H4C5: variants seen among roughly 807,000 people sequenced by gnomAD.
H4C5 encodes H4 clustered histone 5, also known as histone H4.
Under a neutral mutation model 5.3 loss-of-function variants are expected in H4C5, and 15 were observed. The observed-to-expected ratio is 2.84, with a 90% CI of 1.90 to 4.37. The LOEUF is 4.37. Ranked by LOEUF, H4C5 falls within the 30% of genes most tolerant of loss-of-function variation. H4C5 has a pLI of 0.00. For synonymous variants in H4C5, 154 were observed against 56.9 expected, an observed-to-expected ratio of 2.71 and a Z score of -7.68; for missense variants, 153 against 145.7, an observed-to-expected ratio of 1.05 and a Z score of -0.26.
rs1765188037 is a variant in H4C5, at chr6:26,204,654, C to T, written c.10C>T (p.Arg4Cys). 9 of 1,574,486 alleles carry T rather than the reference C, an allele frequency of 5.7e-6. No homozygotes were observed. Among genetic ancestry groups the T allele is most frequent in the East Asian group, 2.3e-5 (1 of 42,848 alleles). ...CGTTGGTGTGTTGGTCATGTCTGGT[C>T]GCGGCAAAGGCGGAAAGGGACTGGG... MSG[R>C]GKGGKGLGKG... Residue 4 changes from arginine (R) to cysteine (C), a missense_variant, in exon 1 of 1, where the codon CGC becomes TGC. Coordinates refer to ENST00000615164, the MANE Select transcript of H4C5 (RefSeq NM_003545.4).
At position 26,204,759 on chromosome 6, in the gene H4C5, G is replaced by T. The variant is rs752602906; in HGVS notation, c.115G>T (p.Ala39Ser). Residue 39 changes from alanine (A) to serine (S), a missense_variant, in exon 1 of 1, where the codon GCT becomes TCT. Coordinates refer to ENST00000615164, the MANE Select transcript of H4C5 (RefSeq NM_003545.4). ...GITKPAIRRL[A>S]RRGGVKRISG... ...TACCAAGCCTGCCATCCGGCGCCTT[G>T]CTCGTCGCGGGGGTGTCAAGCGCAT... is the stretch of plus-strand genomic sequence containing the variant. 6.2e-7 allele frequency: 1 copy of T among 1,614,180 alleles called. No individual in the cohort carries two copies. The highest frequency in any genetic ancestry group is 1.7e-5 in the Admixed American group (1 of 60,026).
Position 26,204,744 on chromosome 6 carries a change from GC to G in H4C5, c.102del (p.Ile35SerfsTer25). The G allele has an allele frequency of 6.2e-7, 1 of 1,614,170 alleles. No individual in the cohort carries two copies. The highest frequency in any genetic ancestry group is 8.5e-7 in the Non-Finnish European group (1 of 1,180,020). ...RDNIQGITKP[A>X]IRRLARRGGV... The stretch of plus-strand genomic sequence containing the variant: ...TAACATCCAGGGCATTACCAAGCCT[GC>G]CATCCGGCGCCTTGCTCGTCGCGGG... On this transcript the variant is annotated frameshift_variant, in exon 1 of 1. Coordinates refer to ENST00000615164, the MANE Select transcript of H4C5 (RefSeq NM_003545.4). LOFTEE classifies it high-confidence loss of function.
chr6:26,204,967 T>TA lies in H4C5; in HGVS notation c.*14dup. ...GGCTTCGGCGGCTAATGCTACCGCT[T>TA]AAACGACTCAGCATCTCGACTTCCC... On this transcript the variant is annotated 3_prime_UTR_variant, in exon 1 of 1. Coordinates refer to ENST00000615164, the MANE Select transcript of H4C5 (RefSeq NM_003545.4). 6.3e-7 allele frequency: 1 copy of TA among 1,594,268 alleles called. No homozygotes were observed. Among genetic ancestry groups the TA allele is most frequent in the Non-Finnish European group, 8.6e-7 (1 of 1,164,312 alleles).
Position 26,204,741 on chromosome 6 carries a change from C to G in H4C5, c.97C>G (p.Pro33Ala), listed in dbSNP as rs1289433963. ...AGATAACATCCAGGGCATTACCAAG[C>G]CTGCCATCCGGCGCCTTGCTCGTCG... ...LRDNIQGITK[P>A]AIRRLARRGG... is the part of the protein sequence containing the mutation. Residue 33 changes from proline to alanine, a missense_variant, in exon 1 of 1, where the codon CCT becomes GCT. Coordinates refer to ENST00000615164, the MANE Select transcript of H4C5 (RefSeq NM_003545.4). 1 of 1,614,160 alleles carries G rather than the reference C, an allele frequency of 6.2e-7. No homozygotes were observed. The highest frequency in any genetic ancestry group is 8.5e-7 in the Non-Finnish European group (1 of 1,180,016).
chr6:26,204,719 T>C lies in H4C5; in HGVS notation c.75T>C (p.Asp25=). 2 of 1,614,146 alleles carry C rather than the reference T, an allele frequency of 1.2e-6. No individual in the cohort carries two copies. Among genetic ancestry groups the C allele is most frequent in the East Asian group, 2.2e-5 (1 of 44,884 alleles). The change falls in exon 1 of 1, where the codon GAT becomes GAC. Residue 25 remains aspartate (D), a synonymous_variant. Coordinates refer to ENST00000615164, the MANE Select transcript of H4C5 (RefSeq NM_003545.4). ...GAKRHRKVLR[D]NIQGITKPAI... ...AGCGTCACCGTAAGGTCCTGCGAGATAACATCCAGGGCATTACCAAGCCTG... is the reference window on the plus strand; with the variant it reads ...AGCGTCACCGTAAGGTCCTGCGAGACAACATCCAGGGCATTACCAAGCCTG...
chr6:26,204,611 G>A lies in H4C5; in HGVS notation c.-34G>A, dbSNP rs374139942. 29 of 1,527,586 alleles carry A rather than the reference G, an allele frequency of 1.9e-5. No homozygotes were observed. The highest frequency in any genetic ancestry group is 1.0e-4 in the Admixed American group (5 of 48,568). 94.6% of individuals were successfully genotyped at this position (1,527,586 alleles called of 1,614,324 possible). ...GAATACTACCGTCGCTTGTTTTTCA[G>A]ATTTTTGCGGCTATTTTCGTTGGTG... On this transcript the variant is annotated 5_prime_UTR_variant, in exon 1 of 1. Coordinates refer to ENST00000615164, the MANE Select transcript of H4C5 (RefSeq NM_003545.4).
At position 26,204,654 on chromosome 6, in the gene H4C5, C is replaced by A; in HGVS notation, c.10C>A (p.Arg4Ser). Residue 4 changes from arginine to serine, a missense_variant, in exon 1 of 1, where the codon CGC becomes AGC. Arg to Ser is a moderately radical substitution (Grantham distance 110). Coordinates refer to ENST00000615164, the MANE Select transcript of H4C5 (RefSeq NM_003545.4). MSGRGKGGKGLGKG... is the reference protein window; with the variant it reads MSGSGKGGKGLGKG... ...CGTTGGTGTGTTGGTCATGTCTGGTCGCGGCAAAGGCGGAAAGGGACTGGG... is the reference window on the plus strand; with the variant it reads ...CGTTGGTGTGTTGGTCATGTCTGGTAGCGGCAAAGGCGGAAAGGGACTGGG... The A allele has an allele frequency of 3.2e-6, 5 of 1,574,484 alleles. No homozygotes were observed. Among genetic ancestry groups the A allele is most frequent in the Non-Finnish European group, 4.3e-6 (5 of 1,155,462 alleles).
chr6:26,204,659 C>G lies in H4C5; in HGVS notation c.15C>G (p.Gly5=), dbSNP rs753173805. The G allele has an allele frequency of 2.5e-6, 4 of 1,597,092 alleles. No individual in the cohort carries two copies. Among genetic ancestry groups the G allele is most frequent in the East Asian group, 4.5e-5 (2 of 44,396 alleles). The change falls in exon 1 of 1, where the codon GGC becomes GGG. Residue 5 remains glycine (G), a synonymous_variant. Transcript: ENST00000615164. ...GTGTGTTGGTCATGTCTGGTCGCGG[C>G]AAAGGCGGAAAGGGACTGGGTAAAG... MSGR[G]KGGKGLGKGG... is the part of the protein sequence containing the mutation.
In H4C5 at chr6:26,204,688, G is replaced by T. The variant is rs776825708; in HGVS notation, c.44G>T (p.Gly15Val). The T allele has an allele frequency of 2.5e-6, 4 of 1,613,256 alleles. No homozygotes were observed. Among genetic ancestry groups the T allele is most frequent in the African/African-American group, 2.7e-5 (2 of 74,902 alleles). ...GGCGGAAAGGGACTGGGTAAAGGAG[G>T]CGCTAAGCGTCACCGTAAGGTCCTG... is the stretch of plus-strand genomic sequence containing the variant. Reference protein sequence around the residue: ...GKGGKGLGKGGAKRHRKVLRD... With the variant: ...GKGGKGLGKGVAKRHRKVLRD... The change falls in exon 1 of 1, where the codon GGC becomes GTC. Residue 15 changes from glycine to valine, a missense_variant. Gly to Val is a moderately radical substitution (Grantham distance 109). Coordinates refer to ENST00000615164, the MANE Select transcript of H4C5 (RefSeq NM_003545.4).
At position 26,204,974 on chromosome 6, in the gene H4C5, C is replaced by T. The variant is rs373404672; in HGVS notation, c.*18C>T. 8.8e-6 allele frequency: 14 copies of T among 1,586,026 alleles called. No homozygotes were observed. Among genetic ancestry groups the T allele is most frequent in the African/African-American group, 5.4e-5 (4 of 74,260 alleles). On this transcript the variant is annotated 3_prime_UTR_variant, in exon 1 of 1. Coordinates refer to ENST00000615164, the MANE Select transcript of H4C5 (RefSeq NM_003545.4). Reference sequence around the variant, plus strand: ...GCGGCTAATGCTACCGCTTAAACGACTCAGCATCTCGACTTCCCAAATCAA... The same window carrying T: ...GCGGCTAATGCTACCGCTTAAACGATTCAGCATCTCGACTTCCCAAATCAA...
chr6:26,204,657 G>A lies in H4C5; in HGVS notation c.13G>A (p.Gly5Ser). 4 of 1,598,474 alleles carry A rather than the reference G, an allele frequency of 2.5e-6. No individual in the cohort carries two copies. Among genetic ancestry groups the A allele is most frequent in the Non-Finnish European group, 3.4e-6 (4 of 1,167,870 alleles). MSGR[G>S]KGGKGLGKGG... ...TGGTGTGTTGGTCATGTCTGGTCGC[G>A]GCAAAGGCGGAAAGGGACTGGGTAA... Residue 5 changes from glycine to serine, a missense_variant, in exon 1 of 1, where the codon GGC becomes AGC. By Grantham distance (56) the Gly-to-Ser change is moderately conservative. Transcript: ENST00000615164.
chr6:26,204,853 C>G lies in H4C5; in HGVS notation c.209C>G (p.Ala70Gly), dbSNP rs577006113. 1 of 1,614,192 alleles carries G rather than the reference C, an allele frequency of 6.2e-7. No homozygotes were observed. Among genetic ancestry groups the G allele is most frequent in the South Asian group, 1.1e-5 (1 of 91,088 alleles). The change falls in exon 1 of 1, where the codon GCT (alanine) becomes GGT (glycine). Residue 70 changes from alanine (A) to glycine (G), a missense_variant. Transcript: ENST00000615164. ...KVFLENVIRD[A>G]VTYTEHAKRK... ...TTTCTGGAAAACGTGATTCGTGATG[C>G]TGTGACTTACACGGAGCACGCCAAA...
chr6:26,205,015 CCG>C lies in H4C5; in HGVS notation c.*61_*62del. The C allele has an allele frequency of 6.6e-7, 1 of 1,522,472 alleles. No individual in the cohort carries two copies. Among genetic ancestry groups the C allele is most frequent in the Non-Finnish European group, 8.9e-7 (1 of 1,126,506 alleles). The allele number at this position is 1,522,472 out of a possible 1,614,324, so 94.3% of individuals were successfully genotyped here. A position where few individuals can be genotyped will look rare whatever the true frequency, so the allele number is the denominator to read the frequency against. ...CCCAAATCAAAGGCCCTTTTCAGGGCCGCCCACAGTTTTCCGCAAAAGAGCTC... is the reference window on the plus strand; with the variant it reads ...CCCAAATCAAAGGCCCTTTTCAGGGCCCCACAGTTTTCCGCAAAAGAGCTC... On this transcript the variant is annotated 3_prime_UTR_variant, in exon 1 of 1. Transcript: ENST00000615164.
At position 26,204,692 on chromosome 6, in the gene H4C5, T is replaced by C. The variant is rs1343040586; in HGVS notation, c.48T>C (p.Ala16=). The C allele has an allele frequency of 1.9e-6, 3 of 1,613,734 alleles. No individual in the cohort carries two copies. The highest frequency in any genetic ancestry group is 1.7e-5 in the Admixed American group (1 of 60,004). Reference sequence around the variant, plus strand: ...GAAAGGGACTGGGTAAAGGAGGCGCTAAGCGTCACCGTAAGGTCCTGCGAG... The same window carrying C: ...GAAAGGGACTGGGTAAAGGAGGCGCCAAGCGTCACCGTAAGGTCCTGCGAG... ...KGGKGLGKGG[A]KRHRKVLRDN... The change falls in exon 1 of 1, where the codon GCT becomes GCC. Residue 16 remains alanine (A), a synonymous_variant. Transcript: ENST00000615164.
Position 26,204,673 on chromosome 6 carries a change from G to A in H4C5, c.29G>A (p.Gly10Glu). ...TCTGGTCGCGGCAAAGGCGGAAAGG[G>A]ACTGGGTAAAGGAGGCGCTAAGCGT... MSGRGKGGK[G>E]LGKGGAKRHR... The change falls in exon 1 of 1, where the codon GGA becomes GAA. Residue 10 changes from glycine to glutamate, a missense_variant. Coordinates refer to ENST00000615164, the MANE Select transcript of H4C5 (RefSeq NM_003545.4). The A allele has an allele frequency of 3.7e-6, 6 of 1,608,452 alleles. No homozygotes were observed. Among genetic ancestry groups the A allele is most frequent in the Non-Finnish European group, 5.1e-6 (6 of 1,175,348 alleles).
rs200288965 is a variant in H4C5, at chr6:26,204,852, G to T, written c.208G>T (p.Ala70Ser). 4 of 1,614,204 alleles carry T rather than the reference G, an allele frequency of 2.5e-6. No individual in the cohort carries two copies. The highest frequency in any genetic ancestry group is 2.2e-5 in the South Asian group (2 of 91,084). ...KVFLENVIRDAVTYTEHAKRK... is the reference protein window; with the variant it reads ...KVFLENVIRDSVTYTEHAKRK... ...GTTTCTGGAAAACGTGATTCGTGAT[G>T]CTGTGACTTACACGGAGCACGCCAA... Residue 70 changes from alanine (A) to serine (S), a missense_variant, in exon 1 of 1, where the codon GCT becomes TCT. Transcript: ENST00000615164.
chr6:26,204,867 G>T lies in H4C5; in HGVS notation c.223G>T (p.Glu75Ter). The T allele has an allele frequency of 6.2e-7, 1 of 1,614,204 alleles. No individual in the cohort carries two copies. ...NVIRDAVTYTEHAKRKTVTAM... is the reference protein window; with the variant it reads ...NVIRDAVTYT ...GATTCGTGATGCTGTGACTTACACG[G>T]AGCACGCCAAACGCAAGACAGTGAC... is the stretch of plus-strand genomic sequence containing the variant. The change falls in exon 1 of 1, where the codon GAG (glutamate) becomes TAG (stop). Residue 75 changes from glutamate (E) to a stop codon, truncating the protein, a stop_gained. Transcript: ENST00000615164. LOFTEE classifies it high-confidence loss of function.
rs758993886 is a variant in H4C5 at position 26,204,755 on chromosome 6, C to T, written c.111C>T (p.Arg37=). Reference sequence around the variant, plus strand: ...GCATTACCAAGCCTGCCATCCGGCGCCTTGCTCGTCGCGGGGGTGTCAAGC... The same window carrying T: ...GCATTACCAAGCCTGCCATCCGGCGTCTTGCTCGTCGCGGGGGTGTCAAGC... ...IQGITKPAIR[R]LARRGGVKRI... is the part of the protein sequence containing the mutation. Residue 37 remains arginine, a synonymous_variant, in exon 1 of 1, where the codon CGC becomes CGT. Transcript: ENST00000615164. 9 of 1,614,156 alleles carry T rather than the reference C, an allele frequency of 5.6e-6. No homozygotes were observed. In the African/African-American group the frequency reaches 8.0e-5, roughly 14 times the overall value.
rs747130342 is a variant in H4C5, at chr6:26,204,886, CAG to C, written c.243_244del (p.Val82AspfsTer?). On this transcript the variant is annotated frameshift_variant, in exon 1 of 1. Transcript: ENST00000615164. LOFTEE classifies it high-confidence loss of function. ...TACACGGAGCACGCCAAACGCAAGA[CAG>C]TGACAGCGATGGATGTGGTCTACGC... The C allele has an allele frequency of 1.1e-5, 17 of 1,614,128 alleles. No individual in the cohort carries two copies. The highest frequency in any genetic ancestry group is 1.4e-5 in the Non-Finnish European group (16 of 1,179,972).
Sources: allele counts gnomAD v4.1 joint callset, GRCh38; gene constraint gnomAD v4.1.1; transcripts MANE v1.5; gene names NCBI Gene and HGNC (gene_info 2026-07-23, HGNC 2026-07-21).